Variants in PDE10A observed in about 807,000 individuals in gnomAD.
PDE10A encodes the protein phosphodiesterase 10A.
Under a neutral mutation model 97.7 loss-of-function variants are expected in PDE10A, and 39 were observed. The ratio of observed to expected loss-of-function variants is 0.40; its 90% CI spans 0.31 to 0.52. The LOEUF (loss-of-function observed/expected upper bound fraction) is 0.52, where lower values mean the gene tolerates loss of function less well. PDE10A is among the 20% of genes least tolerant of loss of function. The pLI, the probability that PDE10A is intolerant of heterozygous loss-of-function variation, is 0.56. For synonymous variants in PDE10A, 371 were observed against 376.8 expected, an observed-to-expected ratio of 0.98 and a Z score of 0.18; for missense variants, 731 against 1,047.8, an observed-to-expected ratio of 0.70 and a Z score of 4.17.
chr6:165,735,071 G>A (rs529883625), intron 1 of PDE10A, among the ~76,000 whole-genome samples: 1 of 151,956 alleles, frequency 6.6e-6, no homozygotes, highest in South Asian at 2.1e-4. Flanking sequence ...TAGGTAGGTA[G>A]GTAGGTAGGT....
At chr6:165,839,544 C>T (rs1390659198) in intron 1 of PDE10A, among the ~76,000 whole-genome samples, 3 of 152,112 alleles carry the variant, frequency 2.0e-5, no homozygotes, top group Admixed American at 6.5e-5. Flanking sequence ...GAAACAATTC[C>T]GAAAGATGAG....
intron 1 of PDE10A, among the ~76,000 whole-genome samples, chr6:165,645,068 AGTG>A (rs1191457898): frequency 6.6e-6 from 1 of 152,200 alleles, no homozygotes; most frequent in Non-Finnish European, 1.5e-5. Flanking sequence ...CTGCCACAGC[AGTG>A]GTGGCCTGTG....
chr6:165,328,061 G>A lies in PDE10A; in HGVS notation c.*4964C>T, dbSNP rs985319295. 1.3e-5 allele frequency: 2 copies of A among 152,166 alleles called. No individual in the cohort carries two copies. The highest frequency in any genetic ancestry group is 2.9e-5 in the Non-Finnish European group (2 of 68,032). 9.4% of individuals were successfully genotyped at this position (152,166 alleles called of 1,614,324 possible). On this transcript the variant is annotated 3_prime_UTR_variant, in exon 22 of 22. Transcript: ENST00000539869. ...TACAAATTTTGGTAACTATTTCACA[G>A]TGTGTTGGGCAAGCATGTAATTTCA...
intron 1 of PDE10A, among the ~76,000 whole-genome samples, chr6:165,842,241 CA>C (rs1156270194): frequency 6.6e-6 from 1 of 152,038 alleles, no homozygotes; most frequent in Non-Finnish European, 1.5e-5. Context: ...ATCAACCAGA[CA>C]AAAGCCGGGT....
chr6:165,761,200 T>A (rs968622409), intron 1 of PDE10A, among the ~76,000 whole-genome samples: 2 of 152,206 alleles, frequency 1.3e-5, no homozygotes, highest in African/African-American at 4.8e-5. Context: ...TTTCTAACCC[T>A]TCAAAGTGTC....
At chr6:165,892,328 C>A (rs1041752011) in intron 1 of PDE10A, among the ~76,000 whole-genome samples, 1 of 152,184 alleles carries the variant, frequency 6.6e-6, no homozygotes, top group African/African-American at 2.4e-5. Flanking sequence ...GGACTCCCCC[C>A]TCTTCATTCC....
chr6:165,811,104 T>C (rs971039405), intron 1 of PDE10A, among the ~76,000 whole-genome samples: 3 of 152,046 alleles, frequency 2.0e-5, no homozygotes, highest in African/African-American at 2.4e-5. Context: ...GTGCCTGTAG[T>C]CCCTGCTACT....
intron 1 of PDE10A, among the ~76,000 whole-genome samples, chr6:165,618,989 G>GTAGTGTAGTA (rs796360178): frequency 7.1e-6 from 1 of 139,890 alleles, no homozygotes; most frequent in Admixed American, 7.2e-5. Context: ...CTAGTGTAGT[G>GTAGTGTAGTA]TAGTCTAGTG....
chr6:165,448,514 CA>C (rs1409173400), intron 5 of PDE10A, among the ~76,000 whole-genome samples: 1 of 152,072 alleles, frequency 6.6e-6, no homozygotes, highest in Non-Finnish European at 1.5e-5. Flanking sequence ...GAGTCATCTG[CA>C]AAAAACTTTA....
chr6:165,828,310 A>C (rs1165998267), intron 1 of PDE10A, among the ~76,000 whole-genome samples: 2 of 152,268 alleles, frequency 1.3e-5, no homozygotes, highest in Admixed American at 1.3e-4. Context: ...CTTGCTGAGA[A>C]GAATGTCAAA....
intron 1 of PDE10A, among the ~76,000 whole-genome samples, chr6:165,962,856 C>T (rs924941850): frequency 6.6e-6 from 1 of 152,224 alleles, no homozygotes; most frequent in African/African-American, 2.4e-5. Flanking sequence ...GACCTCTGTG[C>T]CCTCACCAGA....
At chr6:165,691,106 T>TCTCTCAC (rs143783728) in intron 1 of PDE10A, among the ~76,000 whole-genome samples, 1 of 39,094 alleles carries the variant, frequency 2.6e-5, no homozygotes. Flanking sequence ...TCTTTCTCTC[T>TCTCTCAC]CCCCCCCCCC....
intron 3 of PDE10A, among the ~76,000 whole-genome samples, chr6:165,453,532 CT>C (rs991487763): frequency 5.4e-4 from 82 of 152,226 alleles, no homozygotes; most frequent in African/African-American, 1.9e-3. Flanking sequence ...GGAACCTCAG[CT>C]TTTGCTGCCC....
At position 165,330,923 on chromosome 6, in the gene PDE10A, T is replaced by C. The variant is rs755499964; in HGVS notation, c.*2102A>G. Reference sequence around the variant, plus strand: ...TCATAAATTTGTATGCAGAAAAATATGTATCTTGTTCAAATTCAATTATAT... The same window carrying C: ...TCATAAATTTGTATGCAGAAAAATACGTATCTTGTTCAAATTCAATTATAT... On this transcript the variant is annotated 3_prime_UTR_variant, in exon 22 of 22. Transcript: ENST00000539869. The C allele has an allele frequency of 1.3e-5, 2 of 152,210 alleles. No homozygotes were observed. The highest frequency in any genetic ancestry group is 2.9e-5 in the Non-Finnish European group (2 of 68,032). The allele number at this position is 152,210 out of a possible 1,614,324, so 9.4% of individuals were successfully genotyped here.
At chr6:165,540,027 T>G (rs1412939720) in intron 2 of PDE10A, among the ~76,000 whole-genome samples, 1 of 152,200 alleles carries the variant, frequency 6.6e-6, no homozygotes. Flanking sequence ...CCCCATAGTA[T>G]GAGAAGCAAA....
intron 13 of PDE10A, among the ~76,000 whole-genome samples, chr6:165,402,164 C>T (rs1183486774): frequency 1.3e-5 from 2 of 151,940 alleles, no homozygotes; most frequent in Admixed American, 6.6e-5. Context: ...ATAGTTATTC[C>T]TTTTATTGTC....
chr6:165,883,353 G>A (rs1781539100), intron 1 of PDE10A, among the ~76,000 whole-genome samples: 2 of 152,054 alleles, frequency 1.3e-5, no homozygotes, highest in Non-Finnish European at 1.5e-5. Context: ...GACCAGCCTG[G>A]CCAACGTGGC....
At chr6:165,772,241 G>C (rs1778032952) in intron 1 of PDE10A, among the ~76,000 whole-genome samples, 1 of 152,164 alleles carries the variant, frequency 6.6e-6, no homozygotes, top group African/African-American at 2.4e-5. Context: ...TCAACATTAT[G>C]GGGATTATTT....
chr6:165,425,801 A>G (rs3082847), intron 10 of PDE10A, among the ~76,000 whole-genome samples: 20,680 of 98,130 alleles, frequency 0.21, 1,681 homozygotes, highest in African/African-American at 0.33. Context: ...GTGTGTGTGT[A>G]TGTATGTAAT....
Sources: allele counts gnomAD v4.1 joint callset (sites outside exome capture counted in the v4.1 genomes callset), GRCh38; gene constraint gnomAD v4.1.1; transcripts MANE v1.5; gene names NCBI Gene and HGNC (gene_info 2026-07-23, HGNC 2026-07-21).